NRG1: variants seen among roughly 807,000 people sequenced by gnomAD.
NRG1 encodes the protein neuregulin 1.
Under a neutral mutation model 63.8 loss-of-function variants are expected in NRG1, and 18 were observed. That is an observed-to-expected ratio of 0.28 (90% CI 0.19 to 0.42). The LOEUF (loss-of-function observed/expected upper bound fraction) is 0.42, where lower values mean the gene tolerates loss of function less well. NRG1 is among the 10% of genes least tolerant of loss of function. The pLI, the probability that NRG1 is intolerant of heterozygous loss-of-function variation, is 1.00. For synonymous variants in NRG1, 302 were observed against 301.3 expected (o/e 1.00, Z -0.02); for missense variants, 762 against 814.7 (o/e 0.94, Z 0.79).
At chr8:31,978,470 A>G (rs569038033) in intron 1 of NRG1, among the ~76,000 whole-genome samples, 58 of 152,194 alleles carry the variant, frequency 3.8e-4, no homozygotes, top group African/African-American at 1.4e-3. Context: ...TGGAACCTTT[A>G]TGCCAAATGA....
intron 1 of NRG1, among the ~76,000 whole-genome samples, chr8:32,372,785 A>C (rs1301171827): frequency 6.6e-6 from 1 of 152,128 alleles, no homozygotes; most frequent in Non-Finnish European, 1.5e-5. Context: ...TGCCACCCGA[A>C]CTGAAGTTTC....
chr8:31,753,780 A>G (rs1329221313), intron 1 of NRG1, among the ~76,000 whole-genome samples: 1 of 152,008 alleles, frequency 6.6e-6, no homozygotes, highest in Non-Finnish European at 1.5e-5. Flanking sequence ...CCCTGACTCA[A>G]TTTCATCCCT....
chr8:32,228,444 T>C (rs113409344), intron 1 of NRG1, among the ~76,000 whole-genome samples: 33 of 152,302 alleles, frequency 2.2e-4, no homozygotes, highest in African/African-American at 7.5e-4. Context: ...GTTCTAATGT[T>C]CAATAGTAGC....
chr8:32,533,968 T>C (rs1314533038), intron 1 of NRG1, among the ~76,000 whole-genome samples: 1 of 152,146 alleles, frequency 6.6e-6, no homozygotes, highest in African/African-American at 2.4e-5. Context: ...TTTTGTATTC[T>C]AGACATTTCT....
rs192836737 is a variant in NRG1 at position 32,365,981 on chromosome 8, A to T, written c.38-229847A>T. On this transcript the variant is annotated intron_variant, in intron 1 of 10. Transcript: ENST00000519301. Reference sequence around the variant, plus strand: ...TCTTTCTATTCATAGGCTGGGTATGACACTAATTTGGTTACTATAGCTTTA... The same window carrying T: ...TCTTTCTATTCATAGGCTGGGTATGTCACTAATTTGGTTACTATAGCTTTA... Among the ~76,000 whole-genome samples the T allele has an allele frequency of 1.5e-4, 23 of 152,276 alleles. No individual in the cohort carries two copies. In the East Asian group the frequency reaches 4.4e-3, roughly 29 times the overall value.
intron 1 of NRG1, among the ~76,000 whole-genome samples, chr8:32,567,486 G>T (rs1837675859): frequency 6.6e-6 from 1 of 152,212 alleles, no homozygotes; most frequent in Non-Finnish European, 1.5e-5. Context: ...AGAGTAAAAT[G>T]ATGTGTTGTT....
chr8:32,202,919 T>G (rs1324467955), intron 1 of NRG1, among the ~76,000 whole-genome samples: 1 of 151,634 alleles, frequency 6.6e-6, no homozygotes, highest in East Asian at 2.0e-4. Flanking sequence ...GGAATGCCTG[T>G]TCTCACTTAG....
chr8:31,766,785 G>A (rs970338155), intron 1 of NRG1, among the ~76,000 whole-genome samples: 18 of 152,058 alleles, frequency 1.2e-4, no homozygotes, highest in African/African-American at 4.1e-4. Context: ...ATTCTTATTT[G>A]AATATATTTA....
At chr8:32,722,070 G>T in intron 5 of NRG1, 1 of 1,490,312 alleles carries the variant, frequency 6.7e-7, no homozygotes, top group East Asian at 2.5e-5. Context: ...CTGTAATTTT[G>T]TAGTGACTAG....
At chr8:32,716,085 A>G (rs1349996889) in intron 5 of NRG1, among the ~76,000 whole-genome samples, 1 of 152,182 alleles carries the variant, frequency 6.6e-6, no homozygotes, top group Non-Finnish European at 1.5e-5. Flanking sequence ...CCTTGGTGGG[A>G]TTCAGAAGTG....
chr8:32,676,697 T>C (rs1441980432), intron 5 of NRG1, among the ~76,000 whole-genome samples: 4 of 152,228 alleles, frequency 2.6e-5, no homozygotes, highest in South Asian at 4.1e-4. Flanking sequence ...GATTGAGTTA[T>C]GCAGCTTCTC....
At chr8:32,023,706 G>A (rs886975407) in intron 1 of NRG1, among the ~76,000 whole-genome samples, 2 of 152,160 alleles carry the variant, frequency 1.3e-5, no homozygotes, top group Non-Finnish European at 2.9e-5. Context: ...CCAGGAGAGA[G>A]AATGCCTGGC....
chr8:32,708,566 T>A (rs1817014235), intron 5 of NRG1, among the ~76,000 whole-genome samples: 1 of 152,242 alleles, frequency 6.6e-6, no homozygotes, highest in Non-Finnish European at 1.5e-5. Flanking sequence ...ATCCCAGCTC[T>A]GCTATTTTCC....
At chr8:31,738,460 C>G (rs1814918025) in intron 1 of NRG1, among the ~76,000 whole-genome samples, 1 of 152,060 alleles carries the variant, frequency 6.6e-6, no homozygotes, top group Admixed American at 6.6e-5. Flanking sequence ...TTCTTATTCT[C>G]AAAGCATACA....
At chr8:32,629,973 T>C (rs769693423) in intron 5 of NRG1, among the ~76,000 whole-genome samples, 9 of 152,198 alleles carry the variant, frequency 5.9e-5, no homozygotes, top group Non-Finnish European at 1.3e-4. Flanking sequence ...GATGCTTTCT[T>C]CTGAGAATGG....
At chr8:32,213,946 A>G (rs1261538333) in intron 1 of NRG1, among the ~76,000 whole-genome samples, 1 of 152,176 alleles carries the variant, frequency 6.6e-6, no homozygotes, top group Non-Finnish European at 1.5e-5. Context: ...ATGACAAGAC[A>G]AAGGAACGAA....
At chr8:32,609,557 T>TC (rs1218548783) in intron 3 of NRG1, among the ~76,000 whole-genome samples, 8 of 12,180 alleles carry the variant, frequency 6.6e-4, no homozygotes, top group African/African-American at 2.9e-3. Context: ...CCTCCCTCCT[T>TC]CCTTCCTTCC....
At position 32,647,361 on chromosome 8, in the gene NRG1, C is replaced by T; in HGVS notation, c.502+30476C>T. ...TCAGATGCTCGAGGTGAGAAACATG[C>T]CTTTCAGTTTGGGCTACTGGTTTAC... On this transcript the variant is annotated intron_variant, in intron 5 of 11. Transcript: ENST00000356819. The T allele has an allele frequency of 3.0e-6, 3 of 985,362 alleles. No homozygotes were observed. In the South Asian group the frequency reaches 1.4e-4, roughly 46 times the overall value. 61.0% of individuals were successfully genotyped at this position (985,362 alleles called of 1,614,324 possible). A position where few individuals can be genotyped will look rare whatever the true frequency, so the allele number is the denominator to read the frequency against.
intron 1 of NRG1, among the ~76,000 whole-genome samples, chr8:32,184,430 C>T (rs1043014236): frequency 1.3e-5 from 2 of 151,984 alleles, no homozygotes; most frequent in African/African-American, 2.4e-5. Flanking sequence ...GCATATACCC[C>T]GAATACATTC....
Sources: gnomAD v4.1 joint callset for allele counts (sites outside exome capture counted in the v4.1 genomes callset) on GRCh38, gnomAD v4.1.1 for gene constraint, MANE v1.5 for transcripts, NCBI Gene and HGNC (gene_info 2026-07-23, HGNC 2026-07-21) for gene names.